The following CDKAL1 variants were observed in gnomAD, a reference collection of about 807,000 sequenced individuals.
CDKAL1 encodes threonylcarbamoyladenosine tRNA methylthiotransferase.
In CDKAL1, 32 loss-of-function variants were observed where a neutral mutation model predicts 68.2. The ratio of observed to expected loss-of-function variants is 0.47; its 90% confidence interval spans 0.35 to 0.63. CDKAL1 has a LOEUF of 0.63. CDKAL1 is among the 30% of genes least tolerant of loss of function. The pLI, the probability that CDKAL1 is intolerant of heterozygous loss-of-function variation, is 0.00. For missense variants in CDKAL1, 606 were observed against 696.7 expected, an observed-to-expected ratio of 0.87 and a Z score of 1.47; for synonymous variants, 234 against 244.3, an observed-to-expected ratio of 0.96 and a Z score of 0.39.
chr6:21,000,516 T>C, intron 11 of CDKAL1, 144 bp downstream of exon 11: 1 of 645,756 alleles, frequency 1.5e-6, no homozygotes, highest in Non-Finnish European at 2.6e-6. Flanking sequence ...TTAAGTCTCC[T>C]TGGCACCTTT....
chr6:20,955,518 T>C lies in CDKAL1; in HGVS notation c.842T>C (p.Val281Ala). The C allele has an allele frequency of 6.2e-7, 1 of 1,614,182 alleles. No individual in the cohort carries two copies. The highest frequency in any genetic ancestry group is 8.5e-7 in the Non-Finnish European group (1 of 1,180,020). Residue 281 changes from valine to alanine, a missense_variant, in exon 10 of 16, where the codon GTG becomes GCG. Val to Ala is a moderately conservative substitution (Grantham distance 64). Transcript: ENST00000274695. The stretch of plus-strand genomic sequence containing the variant: ...ACACTCCTGTGGAAACTGGTTGAAG[T>C]GATTCCTGAGGGAGCAATGCTGAGG... ...LPTLLWKLVEVIPEGAMLRLG... is the reference protein window; with the variant it reads ...LPTLLWKLVEAIPEGAMLRLG...
At chr6:20,844,503 T>A (rs149274077) in intron 8 of CDKAL1, among the ~76,000 whole-genome samples, 30 of 151,966 alleles carry the variant, frequency 2.0e-4, no homozygotes, top group African/African-American at 7.0e-4. Context: ...TTCTTGTCTG[T>A]AAGATCAAGA....
intron 4 of CDKAL1, among the ~76,000 whole-genome samples, chr6:20,551,773 A>G (rs1458939391): frequency 6.6e-6 from 1 of 152,204 alleles, no homozygotes; most frequent in Admixed American, 6.5e-5. Flanking sequence ...TGGTCAAAAT[A>G]TGCTTTCAGA....
At chr6:21,022,284 C>T (rs1768709087) in intron 11 of CDKAL1, among the ~76,000 whole-genome samples, 1 of 152,176 alleles carries the variant, frequency 6.6e-6, no homozygotes, top group Admixed American at 6.5e-5. Context: ...AATAAATAAA[C>T]ATAACATTTG....
intron 10 of CDKAL1, among the ~76,000 whole-genome samples, chr6:20,999,379 T>TG (rs1314669084): frequency 2.0e-5 from 3 of 152,122 alleles, no homozygotes; most frequent in Non-Finnish European, 4.4e-5. Flanking sequence ...CTTACATGAA[T>TG]GGTGACATTA....
At chr6:20,966,967 C>A (rs1447290181) in intron 10 of CDKAL1, among the ~76,000 whole-genome samples, 1 of 152,082 alleles carries the variant, frequency 6.6e-6, no homozygotes, top group Non-Finnish European at 1.5e-5. Context: ...TAACAAAGTA[C>A]CACAAACTGG....
At chr6:20,930,917 GTATTT>G (rs1219001304) in intron 9 of CDKAL1, among the ~76,000 whole-genome samples, 1 of 150,412 alleles carries the variant, frequency 6.6e-6, no homozygotes, top group Non-Finnish European at 1.5e-5. Flanking sequence ...GCTAATTTTT[GTATTT>G]TTAGTAGAGA....
intron 14 of CDKAL1, among the ~76,000 whole-genome samples, chr6:21,199,089 A>C (rs924806655): frequency 6.6e-6 from 1 of 152,178 alleles, no homozygotes; most frequent in Non-Finnish European, 1.5e-5. Flanking sequence ...CTTTCTTATC[A>C]GATAAGAGGT....
intron 9 of CDKAL1, among the ~76,000 whole-genome samples, chr6:20,883,104 C>CTT (rs1217933140): frequency 1.3e-5 from 2 of 152,066 alleles, no homozygotes; most frequent in Non-Finnish European, 2.9e-5. Flanking sequence ...AAATTAGGTA[C>CTT]TTTAAGTACT....
At chr6:20,649,467 A>G (rs2127760520) in intron 5 of CDKAL1, 90 bp downstream of exon 5, 3 of 675,450 alleles carry the variant, frequency 4.4e-6, no homozygotes, top group Non-Finnish European at 7.5e-6. Context: ...CAATATAGAT[A>G]TTTAGTTTAT....
chr6:20,918,274 T>G (rs553976765), intron 9 of CDKAL1, among the ~76,000 whole-genome samples: 3 of 152,344 alleles, frequency 2.0e-5, no homozygotes, highest in South Asian at 4.1e-4. Flanking sequence ...AAGCAATAAA[T>G]TTCTATTATT....
At chr6:20,728,756 G>A (rs1305780032) in intron 5 of CDKAL1, among the ~76,000 whole-genome samples, 2 of 152,144 alleles carry the variant, frequency 1.3e-5, no homozygotes, top group African/African-American at 2.4e-5. Flanking sequence ...ATCTGAGGCA[G>A]TCACCTTACC....
chr6:20,654,181 C>T (rs1467044267), intron 5 of CDKAL1, among the ~76,000 whole-genome samples: 4 of 152,176 alleles, frequency 2.6e-5, no homozygotes, highest in Non-Finnish European at 5.9e-5. Context: ...CTGTGCCCGG[C>T]CTTTGTTGCA....
chr6:20,906,283 A>G (rs1469350932), intron 9 of CDKAL1, among the ~76,000 whole-genome samples: 1 of 152,070 alleles, frequency 6.6e-6, no homozygotes, highest in South Asian at 2.1e-4. Flanking sequence ...ATAAAGGTAT[A>G]ATTTTGTAAC....
intron 5 of CDKAL1, among the ~76,000 whole-genome samples, chr6:20,735,150 G>A (rs1387893437): frequency 1.3e-5 from 2 of 152,124 alleles, no homozygotes; most frequent in African/African-American, 4.8e-5. Context: ...GATTTCAGGC[G>A]TGAGCCACTG....
chr6:20,823,372 C>T (rs1478650087), intron 8 of CDKAL1, among the ~76,000 whole-genome samples: 2 of 152,176 alleles, frequency 1.3e-5, no homozygotes, highest in Admixed American at 6.5e-5. Flanking sequence ...GCATAGAATG[C>T]GTCTTCAGTA....
intron 11 of CDKAL1, among the ~76,000 whole-genome samples, chr6:21,054,420 TTC>T (rs1770717696): frequency 6.6e-6 from 1 of 152,146 alleles, no homozygotes; most frequent in African/African-American, 2.4e-5. Context: ...TTCAAAATTG[TTC>T]TGATTATTTC....
In CDKAL1 at chr6:20,613,249, C is replaced by CTTTTTT. The variant is rs71559677; in HGVS notation, c.287-36006_287-36001dup. 1.4e-3 allele frequency among the ~76,000 whole-genome samples: 112 copies of CTTTTTT among 77,848 alleles called. 13 individuals carry two copies. The highest frequency in any genetic ancestry group is 2.1e-3 in the Non-Finnish European group (86 of 40,826). 51.1% of individuals were successfully genotyped at this position (77,848 alleles called of 152,430 possible). ...TATCAGTTCATCACAAAATTTCTTT[C>CTTTTTT]TTTTTTTTTTTTTTTTTTTTTTTTT... is the stretch of plus-strand genomic sequence containing the variant. On this transcript the variant is annotated intron_variant, in intron 4 of 15. Coordinates refer to ENST00000274695, the MANE Select transcript of CDKAL1 (RefSeq NM_017774.3).
At chr6:20,807,462 C>A (rs1232782876) in intron 8 of CDKAL1, among the ~76,000 whole-genome samples, 3 of 152,108 alleles carry the variant, frequency 2.0e-5, no homozygotes, top group African/African-American at 7.2e-5. Context: ...ACCTTGTGAT[C>A]GGCCCACCTC....
Sources: allele counts gnomAD v4.1 joint callset (sites outside exome capture counted in the v4.1 genomes callset), GRCh38; gene constraint gnomAD v4.1.1; transcripts MANE v1.5; gene names NCBI Gene and HGNC (gene_info 2026-07-23, HGNC 2026-07-21).